ADH5: variants seen among roughly 807,000 people sequenced by gnomAD.
ADH5 encodes the protein alcohol dehydrogenase 5 (class III), chi polypeptide, also known as alcohol dehydrogenase class-3.
ADH5 carries 32 observed loss-of-function variants against 40.3 expected under a neutral mutation model. That is an observed-to-expected ratio of 0.79 (90% CI 0.60 to 1.07). ADH5 has a LOEUF of 1.07. Among genes scored for constraint, ADH5 ranks in the 50% least tolerant of loss-of-function variants. The pLI is 0.00. For synonymous variants in ADH5, 125 were observed against 154.3 expected (o/e 0.81, Z 1.41); for missense variants, 353 against 460.5 (o/e 0.77, Z 2.14).
intron 1 of ADH5, among the ~76,000 whole-genome samples, chr4:99,086,666 C>T (rs552247678): frequency 1.3e-5 from 2 of 151,928 alleles, no homozygotes; most frequent in South Asian, 2.1e-4. Context: ...AGTCCCTGGC[C>T]GGGCGCGGTG....
chr4:99,081,477 T>C (rs1728023655), intron 3 of ADH5, 25 bp from the exon 4 acceptor site: 1 of 1,480,092 alleles, frequency 6.8e-7, no homozygotes, highest in Admixed American at 1.8e-5. Flanking sequence ...AAAGACATCC[T>C]GAATAGGTAG....
At chr4:99,083,945 C>T (rs542115971) in intron 2 of ADH5, among the ~76,000 whole-genome samples, 1 of 152,318 alleles carries the variant, frequency 6.6e-6, no homozygotes, top group South Asian at 2.1e-4. Context: ...CATTTCTCTG[C>T]CACCAGAGGT....
intron 1 of ADH5, among the ~76,000 whole-genome samples, chr4:99,087,885 T>C (rs544404864): frequency 2.0e-5 from 3 of 152,384 alleles, no homozygotes; most frequent in South Asian, 2.1e-4. Flanking sequence ...TTTAAGGCCA[T>C]TTGTCTTACT....
intron 1 of ADH5, 86 bp downstream of exon 1, chr4:99,088,603 C>T (rs1378416873): frequency 1.4e-6 from 2 of 1,391,858 alleles, no homozygotes; most frequent in Non-Finnish European, 1.9e-6. Context: ...GGCGCCGAGC[C>T]TCGCGCGCCC....
Position 99,076,708 on chromosome 4 carries a change from G to A in ADH5, c.560C>T (p.Ala187Val), listed in dbSNP as rs1342490201. ...AAACCCAAGTCAGTCTCTTACCTTG[G>A]CAGTGTTCACAGCAGCACCATAACC... is the stretch of plus-strand genomic sequence containing the variant. ...STGYGAAVNTAKLEPGSVCAV... is the reference protein window; with the variant it reads ...STGYGAAVNTVKLEPGSVCAV... The change falls in exon 5 of 9, where the codon GCC becomes GTC. Residue 187 changes from alanine to valine, a missense_variant. Physicochemically the swap from Ala to Val is moderately conservative, Grantham distance 64. Transcript: ENST00000296412. The A allele has an allele frequency of 3.1e-6, 5 of 1,613,648 alleles. No individual in the cohort carries two copies. The highest frequency in any genetic ancestry group is 1.7e-5 in the Admixed American group (1 of 59,986).
At chr4:99,077,125 C>T (rs905277668) in intron 4 of ADH5, among the ~76,000 whole-genome samples, 1 of 152,202 alleles carries the variant, frequency 6.6e-6, no homozygotes, top group Admixed American at 6.5e-5. Context: ...TCTTATCCAT[C>T]TTTTCCAATA....
chr4:99,072,468 T>G, intron 8 of ADH5, 27 bp from the exon 9 acceptor site: 1 of 1,612,210 alleles, frequency 6.2e-7, no homozygotes, highest in Non-Finnish European at 8.5e-7. Context: ...CATACTAAGT[T>G]TTAAATGATA....
intron 6 of ADH5, 176 bp from the exon 7 acceptor site, chr4:99,075,225 GTT>G (rs57354357): frequency 0.18 from 56,640 of 314,282 alleles, 3,609 homozygotes; most frequent in African/African-American, 0.25. Flanking sequence ...TTTTTTTGTT[GTT>G]TTTTTTTTTT....
chr4:99,075,001 C>T lies in ADH5; in HGVS notation c.874G>A (p.Val292Ile). 2 of 1,613,224 alleles carry T rather than the reference C, an allele frequency of 1.2e-6. No individual in the cohort carries two copies. The highest frequency in any genetic ancestry group is 1.7e-6 in the Non-Finnish European group (2 of 1,179,414). The change falls in exon 7 of 9, where the codon GTT (valine) becomes ATT (isoleucine). Residue 292 changes from valine to isoleucine, a missense_variant. By Grantham distance (29) the Val-to-Ile change is conservative. Coordinates refer to ENST00000296412, the MANE Select transcript of ADH5 (RefSeq NM_000671.4). ...CHKGWGVSVV[V>I]GVAASGEEIA... ...TCTTCACCTGAAGCAGCTACTCCAA[C>T]CACGACGCTGACGCCCCAGCCCTTG... is the stretch of plus-strand genomic sequence containing the variant.
intron 4 of ADH5, chr4:99,080,490 C>T (rs962255134): frequency 1.2e-5 from 1 of 81,168 alleles, no homozygotes; most frequent in Non-Finnish European, 2.6e-5. Flanking sequence ...CTCTTCACAT[C>T]CCCCCGCTTC....
At chr4:99,080,396 A>C in intron 4 of ADH5, 1 of 169,754 alleles carries the variant, frequency 5.9e-6, no homozygotes. Flanking sequence ...CGCCTTTGTG[A>C]AGACCAGCCA....
intron 6 of ADH5, 110 bp downstream of exon 6, chr4:99,076,182 A>C: frequency 3.5e-6 from 4 of 1,153,286 alleles, no homozygotes; most frequent in Non-Finnish European, 4.9e-6. Flanking sequence ...CACTAGAAAA[A>C]TTCTTATTAA....
intron 1 of ADH5, among the ~76,000 whole-genome samples, chr4:99,086,563 A>T (rs1346033009): frequency 2.0e-5 from 3 of 152,246 alleles, no homozygotes; most frequent in Non-Finnish European, 4.4e-5. Context: ...ACTTCTAACC[A>T]GGATACTGAA....
intron 4 of ADH5, 48 bp downstream of exon 4, chr4:99,081,317 T>C (rs1728020682): frequency 1.6e-6 from 2 of 1,248,074 alleles, no homozygotes; most frequent in Non-Finnish European, 2.3e-6. Context: ...GATTCCTTAA[T>C]TATCCCGCAG....
At chr4:99,087,849 GTTTA>G (rs887812151) in intron 1 of ADH5, among the ~76,000 whole-genome samples, 5 of 152,168 alleles carry the variant, frequency 3.3e-5, no homozygotes, top group African/African-American at 1.2e-4. Context: ...ACTGTTTAGA[GTTTA>G]TTTCTTTCAA....
intron 6 of ADH5, 161 bp downstream of exon 6, chr4:99,076,131 C>A: frequency 1.5e-6 from 1 of 684,208 alleles, no homozygotes; most frequent in Non-Finnish European, 2.4e-6. Context: ...GTTCTTGTAT[C>A]ATTTCCCATT....
intron 1 of ADH5, among the ~76,000 whole-genome samples, chr4:99,088,080 C>T (rs1319827678): frequency 1.3e-5 from 2 of 152,172 alleles, no homozygotes; most frequent in African/African-American, 2.4e-5. Flanking sequence ...AACCTCAAAC[C>T]TCAGTTTTTG....
In ADH5 at chr4:99,085,175, C is replaced by G. The variant is rs954353718; in HGVS notation, c.54G>C (p.Lys18Asn). The change falls in exon 2 of 9, where the codon AAG (lysine) becomes AAC (asparagine). Residue 18 changes from lysine (K) to asparagine (N), a missense_variant. Lys to Asn is a moderately conservative substitution (Grantham distance 94). Coordinates refer to ENST00000296412, the MANE Select transcript of ADH5 (RefSeq NM_000671.4). ...CKAAVAWEAGKPLSIEEIEVA... is the reference protein window; with the variant it reads ...CKAAVAWEAGNPLSIEEIEVA... Reference sequence around the variant, plus strand: ...CCTCTATCTCCTCTATGGAGAGAGGCTTTCCAGCCTCCCAAGCAACTGCAG... The same window carrying G: ...CCTCTATCTCCTCTATGGAGAGAGGGTTTCCAGCCTCCCAAGCAACTGCAG... The G allele has an allele frequency of 3.2e-6, 5 of 1,548,868 alleles. No individual in the cohort carries two copies. In the Admixed American group the frequency reaches 1.0e-4, roughly 31 times the overall value.
At chr4:99,084,041 C>T (rs1579365766) in intron 2 of ADH5, among the ~76,000 whole-genome samples, 3 of 152,148 alleles carry the variant, frequency 2.0e-5, no homozygotes, top group East Asian at 3.9e-4. Context: ...AGCAAGCTGA[C>T]TTCATTTGCT....
Sources: allele counts gnomAD v4.1 joint callset (sites outside exome capture counted in the v4.1 genomes callset), GRCh38; gene constraint gnomAD v4.1.1; transcripts MANE v1.5; gene names NCBI Gene and HGNC (gene_info 2026-07-23, HGNC 2026-07-21).